The following TENM2 variants were observed in gnomAD, a reference collection of about 807,000 sequenced individuals.
TENM2 encodes teneurin-2.
Under a neutral mutation model 245.2 loss-of-function variants are expected in TENM2, and 52 were observed. The ratio of observed to expected loss-of-function variants is 0.21; its 90% CI spans 0.17 to 0.27. The LOEUF is 0.27. Among genes scored for constraint, TENM2 ranks in the 10% least tolerant of loss-of-function variants. The probability of loss-of-function intolerance (pLI) is 1.00; values close to 1 mark genes in which losing one functional copy is unlikely to be tolerated. For synonymous variants in TENM2, 1,363 were observed against 1,438.9 expected, an observed-to-expected ratio of 0.95 and a Z score of 1.19; for missense variants, 3,046 against 3,666.8, an observed-to-expected ratio of 0.83 and a Z score of 4.37.
intron 2 of TENM2, among the ~76,000 whole-genome samples, chr5:167,736,911 G>A (rs1000353380): frequency 7.2e-5 from 11 of 152,160 alleles, no homozygotes; most frequent in African/African-American, 2.2e-4. Context: ...GCCTTCCCTA[G>A]CCAGTGAACT....
intron 2 of TENM2, among the ~76,000 whole-genome samples, chr5:167,616,471 A>G (rs941381943): frequency 1.3e-5 from 2 of 152,124 alleles, no homozygotes; most frequent in African/African-American, 2.4e-5. Flanking sequence ...TAAAAAGGCA[A>G]TTCTGCTGTG....
chr5:167,579,418 G>A (rs1026217337), intron 2 of TENM2, among the ~76,000 whole-genome samples: 3 of 152,150 alleles, frequency 2.0e-5, no homozygotes, highest in African/African-American at 7.2e-5. Flanking sequence ...TAGTATAATA[G>A]GAATTTACAA....
At chr5:168,047,614 G>C (rs1348768373) in intron 6 of TENM2, 65 bp downstream of exon 8, 2 of 1,516,674 alleles carry the variant, frequency 1.3e-6, no homozygotes, top group Non-Finnish European at 1.8e-6. Flanking sequence ...TCGCCAGCTG[G>C]TTCAGGTTTT....
intron 7 of TENM2, among the ~76,000 whole-genome samples, chr5:168,071,206 C>A (rs948743116): frequency 8.5e-5 from 13 of 152,108 alleles, no homozygotes; most frequent in Non-Finnish European, 1.6e-4. Flanking sequence ...TCAGAGCAAT[C>A]AATATTGGAT....
the TENM2 span, among the ~76,000 whole-genome samples, chr5:167,017,590 A>T: frequency 6.6e-6 from 1 of 152,130 alleles, no homozygotes; most frequent in Non-Finnish European, 1.5e-5. Flanking sequence ...GGATAACTAC[A>T]CTTCTGAGTT....
the TENM2 span, among the ~76,000 whole-genome samples, chr5:167,042,964 A>G: frequency 3.3e-5 from 5 of 152,214 alleles, no homozygotes; most frequent in African/African-American, 1.2e-4. Context: ...CAGCAGAGAT[A>G]AAGGACTTGT....
chr5:167,851,597 C>T (rs1273048120), intron 2 of TENM2, among the ~76,000 whole-genome samples: 2 of 152,138 alleles, frequency 1.3e-5, no homozygotes, highest in African/African-American at 4.8e-5. Context: ...AGACTTTTGA[C>T]TATAAAGAAT....
chr5:167,515,577 G>T (rs1045501087), intron 2 of TENM2, among the ~76,000 whole-genome samples: 1 of 103,990 alleles, frequency 9.6e-6, no homozygotes, highest in African/African-American at 3.7e-5. Flanking sequence ...AATTGAAGAA[G>T]ATAGGTAGAG....
At chr5:167,683,521 T>C (rs890541972) in intron 2 of TENM2, among the ~76,000 whole-genome samples, 11 of 152,196 alleles carry the variant, frequency 7.2e-5, no homozygotes, top group Non-Finnish European at 1.6e-4. Flanking sequence ...TGTAATATAA[T>C]CCCAAAAGCT....
In TENM2 at chr5:167,446,178, T is replaced by G. The variant is rs7717509; in HGVS notation, c.502+70705T>G. Among the ~76,000 whole-genome samples the G allele has an allele frequency of 2.7e-3, 413 of 152,276 alleles. 3 individuals are homozygous for G. Among genetic ancestry groups the G allele is most frequent in the African/African-American group, 9.6e-3 (398 of 41,556 alleles). On this transcript the variant is annotated intron_variant, in intron 2 of 28. Transcript: ENST00000518659. The stretch of plus-strand genomic sequence containing the variant: ...CTGGGATAAAATATTTATACACAGT[T>G]TGAATTTAGTGTTTTGTCAAAGGTT...
chr5:167,040,844 C>T, the TENM2 span, among the ~76,000 whole-genome samples: 3 of 152,060 alleles, frequency 2.0e-5, no homozygotes, highest in Admixed American at 2.0e-4. Flanking sequence ...TTTCTCACAG[C>T]AGAGCCAACT....
intron 2 of TENM2, among the ~76,000 whole-genome samples, chr5:167,717,107 A>G (rs951787243): frequency 2.0e-5 from 3 of 151,816 alleles, no homozygotes; most frequent in South Asian, 2.1e-4. Context: ...GGCACACACT[A>G]CCACACCTGG....
chr5:167,243,906 C>T, the TENM2 span, among the ~76,000 whole-genome samples: 1 of 152,150 alleles, frequency 6.6e-6, no homozygotes, highest in African/African-American at 2.4e-5. Flanking sequence ...GCCTTCAAGG[C>T]TTTCTGTTAT....
chr5:167,580,664 G>T (rs144109161), intron 2 of TENM2, among the ~76,000 whole-genome samples: 43 of 152,360 alleles, frequency 2.8e-4, no homozygotes, highest in Middle Eastern at 3.4e-3. Flanking sequence ...AGAACAGGGA[G>T]CAGATTTCTG....
At chr5:167,759,563 G>T (rs933780190) in intron 2 of TENM2, among the ~76,000 whole-genome samples, 1 of 152,136 alleles carries the variant, frequency 6.6e-6, no homozygotes. Context: ...CAGGTAAGTG[G>T]GGGTATATAT....
chr5:168,107,732 C>A lies in TENM2; in HGVS notation c.1813+9605C>A, dbSNP rs1427248545. Among the ~76,000 whole-genome samples, 8 of 152,298 alleles carry A rather than the reference C, an allele frequency of 5.3e-5. No individual in the cohort carries two copies. The East Asian group carries it at 1.5e-3, about 29-fold the overall frequency. On this transcript the variant is annotated intron_variant, in intron 9 of 28. Coordinates refer to ENST00000518659, the Ensembl canonical transcript of TENM2. Reference sequence around the variant, plus strand: ...AGTCACCCCTCATAAAGTGTGAGGCCCTGCTTCTTCCTCTTTGCTCAGGCT... The same window carrying A: ...AGTCACCCCTCATAAAGTGTGAGGCACTGCTTCTTCCTCTTTGCTCAGGCT...
intron 2 of TENM2, among the ~76,000 whole-genome samples, chr5:167,661,519 G>A (rs936808831): frequency 1.3e-5 from 2 of 152,162 alleles, no homozygotes; most frequent in Non-Finnish European, 2.9e-5. Context: ...CTTGAGTGAT[G>A]TCCCTGGAGC....
chr5:168,200,255 G>A (rs144211411), intron 17 of TENM2, 124 bp downstream of exon 19: 10,255 of 844,858 alleles, frequency 0.012, 90 homozygotes, highest in Non-Finnish European at 0.016. Context: ...CGATGGCCAA[G>A]AAGACAGACA....
chr5:167,478,947 A>G (rs889832895), intron 2 of TENM2, among the ~76,000 whole-genome samples: 5 of 151,884 alleles, frequency 3.3e-5, no homozygotes, highest in Non-Finnish European at 7.4e-5. Flanking sequence ...AATTTTCACA[A>G]TATTGCAAAA....
Sources: gnomAD v4.1 joint callset for allele counts (sites outside exome capture counted in the v4.1 genomes callset) on GRCh38, gnomAD v4.1.1 for gene constraint, MANE v1.5 for transcripts, NCBI Gene and HGNC (gene_info 2026-07-23, HGNC 2026-07-21) for gene names.